Variants in LRRC7 observed in about 807,000 individuals in gnomAD.
The protein encoded by LRRC7 is leucine-rich repeat-containing protein 7.
In LRRC7, 23 loss-of-function variants were observed where a neutral mutation model predicts 175.7. The ratio of observed to expected loss-of-function variants is 0.13; its 90% CI spans 0.09 to 0.19. The LOEUF (loss-of-function observed/expected upper bound fraction) is 0.19. Ranked by LOEUF, LRRC7 falls within the 10% of genes least tolerant of loss-of-function variation. The probability of loss-of-function intolerance (pLI) is 1.00; values close to 1 mark genes in which losing one functional copy is unlikely to be tolerated. For synonymous variants in LRRC7, 685 were observed against 680.9 expected, an observed-to-expected ratio of 1.01 and a Z score of -0.09; for missense variants, 1,354 against 1,904.7, an observed-to-expected ratio of 0.71 and a Z score of 5.38.
intron 1 of LRRC7, among the ~76,000 whole-genome samples, chr1:69,585,292 T>A (rs1054698942): frequency 6.6e-6 from 1 of 152,134 alleles, no homozygotes; most frequent in Non-Finnish European, 1.5e-5. Flanking sequence ...TATGATTTTT[T>A]AACAAAAGAA....
intron 25 of LRRC7, among the ~76,000 whole-genome samples, chr1:70,106,158 A>G (rs1048864014): frequency 2.6e-5 from 4 of 152,206 alleles, no homozygotes; most frequent in Non-Finnish European, 4.4e-5. Context: ...TAACAGTTAT[A>G]TTGAAATATA....
At chr1:69,736,798 C>A (rs1217048141) in intron 2 of LRRC7, among the ~76,000 whole-genome samples, 2 of 152,074 alleles carry the variant, frequency 1.3e-5, no homozygotes, top group Non-Finnish European at 2.9e-5. Context: ...TAGGCCCTTG[C>A]CTATTTAATG....
chr1:69,795,832 T>C (rs949715271), intron 4 of LRRC7, among the ~76,000 whole-genome samples: 6 of 152,142 alleles, frequency 3.9e-5, no homozygotes, highest in Admixed American at 2.0e-4. Context: ...AAATACTATT[T>C]TATATTAACA....
intron 1 of LRRC7, among the ~76,000 whole-genome samples, chr1:69,589,008 T>TGTGTGTGTGTGTGTGC (rs756682853): frequency 6.6e-6 from 1 of 151,448 alleles, no homozygotes; most frequent in African/African-American, 2.4e-5. Context: ...TGTGTGTGTG[T>TGTGTGTGTGTGTGTGC]GCGTGCATGT....
chr1:69,866,603 A>C (rs1006666085), intron 7 of LRRC7, among the ~76,000 whole-genome samples: 1 of 152,246 alleles, frequency 6.6e-6, no homozygotes, highest in African/African-American at 2.4e-5. Flanking sequence ...TTTACATCTT[A>C]TAAAATGAAA....
At chr1:70,004,705 A>ATC (rs139541811) in intron 11 of LRRC7, among the ~76,000 whole-genome samples, 20 of 148,152 alleles carry the variant, frequency 1.3e-4, no homozygotes, top group African/African-American at 3.0e-4. Flanking sequence ...TGCCAAACAA[A>ATC]TCTCTCTCTC....
In LRRC7 at chr1:70,121,980, C is replaced by A; in HGVS notation, c.*93C>A. On this transcript the variant is annotated 3_prime_UTR_variant, in exon 27 of 27. Transcript: ENST00000651989. ...AAACAAATTTTGCCAATTGCTGGAC[C>A]AATGGCAAACATTAGTGCCAAATGT... 1 of 773,858 alleles carries A rather than the reference C, an allele frequency of 1.3e-6. No homozygotes were observed. The highest frequency in any genetic ancestry group is 2.2e-6 in the Non-Finnish European group (1 of 451,698). The allele number at this position is 773,858 out of a possible 1,614,324, so 47.9% of individuals were successfully genotyped here. A position where few individuals can be genotyped will look rare whatever the true frequency, so the allele number is the denominator to read the frequency against.
Position 70,131,214 on chromosome 1 carries a change from A to T in LRRC7, c.*9327A>T, listed in dbSNP as rs60480683. On this transcript the variant is annotated 3_prime_UTR_variant, in exon 27 of 27. Transcript: ENST00000651989. ...GTTGATCTCAAAGTAGAAAGAAAGCATGCTATTTATACTGCCATGATCTTT... is the reference window on the plus strand; with the variant it reads ...GTTGATCTCAAAGTAGAAAGAAAGCTTGCTATTTATACTGCCATGATCTTT... Among the ~76,000 whole-genome samples the T allele has an allele frequency of 4.9e-3, 750 of 152,342 alleles. 10 individuals carry two copies. Among genetic ancestry groups the T allele is most frequent in the African/African-American group, 0.017 (710 of 41,582 alleles).
At chr1:69,731,663 C>T (rs750135903) in intron 2 of LRRC7, among the ~76,000 whole-genome samples, 4 of 152,156 alleles carry the variant, frequency 2.6e-5, no homozygotes, top group Non-Finnish European at 5.9e-5. Context: ...GTTCACTTTG[C>T]TATTGCAGAA....
chr1:69,836,889 AGAAAG>A (rs1362104472), intron 6 of LRRC7, among the ~76,000 whole-genome samples: 35 of 151,410 alleles, frequency 2.3e-4, no homozygotes, highest in Non-Finnish European at 4.7e-4. Flanking sequence ...CAAAAAAAAA[AGAAAG>A]GAAAGAGATC....
chr1:70,107,748 A>T lies in LRRC7; in HGVS notation c.4546-4A>T. 1 of 1,612,102 alleles carries T rather than the reference A, an allele frequency of 6.2e-7. No individual in the cohort carries two copies. Among genetic ancestry groups the T allele is most frequent in the Non-Finnish European group, 8.5e-7 (1 of 1,178,376 alleles). On this transcript the variant is annotated splice_polypyrimidine_tract_variant and splice_region_variant and intron_variant, in intron 25 of 26. Transcript: ENST00000651989. ...TCCTAACCTCTGTTACTTCTGACTTATAGGGTATCTTTGTTACTAGGGTTC... is the reference window on the plus strand; with the variant it reads ...TCCTAACCTCTGTTACTTCTGACTTTTAGGGTATCTTTGTTACTAGGGTTC...
chr1:69,748,921 G>A (rs1212687033), intron 2 of LRRC7, among the ~76,000 whole-genome samples: 1 of 152,090 alleles, frequency 6.6e-6, no homozygotes, highest in African/African-American at 2.4e-5. Flanking sequence ...CCTTATGAAA[G>A]TTAGATCTTT....
At chr1:69,880,781 T>C (rs780341466) in intron 7 of LRRC7, among the ~76,000 whole-genome samples, 3 of 152,124 alleles carry the variant, frequency 2.0e-5, no homozygotes, top group Admixed American at 2.0e-4. Context: ...AAGAAGAAGT[T>C]TTACAAAAAC....
rs550686554 is a variant in LRRC7 at position 69,970,671 on chromosome 1, C to T, written c.712-9708C>T. Among the ~76,000 whole-genome samples, 22 of 152,170 alleles carry T rather than the reference C, an allele frequency of 1.4e-4. 1 individual carries two copies. The South Asian group carries it at 4.6e-3, about 32-fold the overall frequency. On this transcript the variant is annotated intron_variant, in intron 8 of 26. Transcript: ENST00000651989. The stretch of plus-strand genomic sequence containing the variant: ...CAACAAAAAGAAGTCCAGGACCAGA[C>T]AGACTCACAGCAGAATTCTACCAGA...
At chr1:69,771,244 C>T (rs1236992586) in intron 3 of LRRC7, among the ~76,000 whole-genome samples, 1 of 151,996 alleles carries the variant, frequency 6.6e-6, no homozygotes, top group Non-Finnish European at 1.5e-5. Flanking sequence ...TCTAAAGCCC[C>T]AAGGAAGAGT....
chr1:70,108,977 T>G (rs12095169), intron 26 of LRRC7, among the ~76,000 whole-genome samples: 2,888 of 152,220 alleles, frequency 0.019, 88 homozygotes, highest in African/African-American at 0.065. Flanking sequence ...GTTGTTGTTG[T>G]TTGGTGGTGG....
chr1:69,760,110 T>C lies in LRRC7; in HGVS notation c.101-81T>C, dbSNP rs532177935. The C allele has an allele frequency of 2.5e-4, 359 of 1,424,928 alleles. 2 individuals carry two copies. The highest frequency in any genetic ancestry group is 3.2e-4 in the Non-Finnish European group (338 of 1,047,032). The allele number at this position is 1,424,928 out of a possible 1,614,324, so 88.3% of individuals were successfully genotyped here. ...AGACTGTATACCAAAATTAAATTTCTAAGCTTTAAATATTACAAGAATGCC... is the reference window on the plus strand; with the variant it reads ...AGACTGTATACCAAAATTAAATTTCCAAGCTTTAAATATTACAAGAATGCC... On this transcript the variant is annotated intron_variant, in intron 2 of 26. Transcript: ENST00000651989.
intron 7 of LRRC7, among the ~76,000 whole-genome samples, chr1:69,905,850 T>G (rs910869452): frequency 1.3e-5 from 2 of 152,308 alleles, no homozygotes; most frequent in Admixed American, 6.5e-5. Context: ...TCCACAAGGG[T>G]TGAACTAGTT....
At chr1:69,616,276 C>G (rs1218191719) in intron 1 of LRRC7, among the ~76,000 whole-genome samples, 1 of 151,906 alleles carries the variant, frequency 6.6e-6, no homozygotes, top group Non-Finnish European at 1.5e-5. Context: ...TTTTGGGTTA[C>G]TTTAAACAAA....
Sources: allele counts gnomAD v4.1 joint callset (sites outside exome capture counted in the v4.1 genomes callset), GRCh38; gene constraint gnomAD v4.1.1; transcripts MANE v1.5; gene names NCBI Gene and HGNC (gene_info 2026-07-23, HGNC 2026-07-21).